USP15: variants seen among roughly 807,000 people sequenced by gnomAD.
USP15 encodes ubiquitin carboxyl-terminal hydrolase 15.
USP15 carries 18 observed loss-of-function variants against 127.1 expected under a neutral mutation model. The observed-to-expected ratio is 0.14, with a 90% CI of 0.10 to 0.21. The LOEUF (loss-of-function observed/expected upper bound fraction) is 0.21, where lower values mean the gene tolerates loss of function less well. Ranked by LOEUF, USP15 falls within the 10% of genes least tolerant of loss-of-function variation. USP15 has a pLI of 1.00. For missense variants in USP15, 805 were observed against 1,159.9 expected (o/e 0.69, Z 4.44); for synonymous variants, 364 against 393.7 (o/e 0.92, Z 0.89).
intron 7 of USP15, among the ~76,000 whole-genome samples, chr12:62,351,323 T>A (rs1398370685): frequency 6.6e-6 from 1 of 151,232 alleles, no homozygotes; most frequent in Non-Finnish European, 1.5e-5. Context: ...CCCCTCGTAA[T>A]TTGGTTTGTA....
At chr12:62,316,152 G>T (rs2064823953) in intron 4 of USP15, among the ~76,000 whole-genome samples, 2 of 151,962 alleles carry the variant, frequency 1.3e-5, no homozygotes, top group South Asian at 4.2e-4. Context: ...GGGTGTAGTG[G>T]GTGTGCGCCT....
intron 11 of USP15, among the ~76,000 whole-genome samples, chr12:62,388,116 G>GT (rs1565906819): frequency 1.6e-4 from 20 of 127,290 alleles, no homozygotes; most frequent in South Asian, 5.0e-4. Flanking sequence ...GAATGGTGAA[G>GT]ATTTTTTTTT....
intron 1 of USP15, among the ~76,000 whole-genome samples, chr12:62,288,138 T>C (rs2063835489): frequency 1.3e-5 from 2 of 152,194 alleles, no homozygotes; most frequent in Non-Finnish European, 2.9e-5. Flanking sequence ...ATGATGTTGG[T>C]ATTTTGATAG....
rs561613208 is a variant in USP15, at chr12:62,382,569, G to C, written c.1089+906G>C. ...TCAGCTCTTACTAGCATTCTAATTGGTTTTATTTTGGTAGATTTTCTCTCT... is the reference window on the plus strand; with the variant it reads ...TCAGCTCTTACTAGCATTCTAATTGCTTTTATTTTGGTAGATTTTCTCTCT... On this transcript the variant is annotated intron_variant, in intron 9 of 21. Coordinates refer to ENST00000280377, the MANE Select transcript of USP15 (RefSeq NM_001252078.2). Among the ~76,000 whole-genome samples the C allele has an allele frequency of 1.8e-4, 27 of 151,916 alleles. 1 individual carries two copies. The South Asian group carries it at 5.4e-3, about 30-fold the overall frequency.
intron 20 of USP15, among the ~76,000 whole-genome samples, chr12:62,399,160 A>G (rs1555224128): frequency 6.6e-6 from 1 of 152,218 alleles, no homozygotes. Flanking sequence ...GAGATCAACA[A>G]ACTCACAGCA....
intron 11 of USP15, 25 bp downstream of exon 11, chr12:62,384,327 GTTTTTTTT>G: frequency 9.5e-7 from 1 of 1,055,220 alleles, no homozygotes; most frequent in Non-Finnish European, 1.3e-6. Context: ...GGTTTGTTTT[GTTTTTTTT>G]TTTTTTTTTT....
intron 1 of USP15, among the ~76,000 whole-genome samples, chr12:62,266,910 G>A (rs2063205046): frequency 6.6e-6 from 1 of 151,860 alleles, no homozygotes; most frequent in African/African-American, 2.4e-5. Flanking sequence ...TTTTATCTTT[G>A]ATGATTTCAG....
At chr12:62,303,296 A>G (rs2064371579) in intron 3 of USP15, 1 of 153,640 alleles carries the variant, frequency 6.5e-6, no homozygotes, top group Non-Finnish European at 1.4e-5. Context: ...AACAATGAAG[A>G]AACTAAAAGT....
At chr12:62,352,557 A>G (rs1320276786) in intron 7 of USP15, among the ~76,000 whole-genome samples, 1 of 151,740 alleles carries the variant, frequency 6.6e-6, no homozygotes, top group Non-Finnish European at 1.5e-5. Context: ...ACACTTTTTT[A>G]TTTTTCTGTT....
At chr12:62,335,656 T>C in intron 6 of USP15, 1 of 987,336 alleles carries the variant, frequency 1.0e-6, no homozygotes, top group Non-Finnish European at 1.2e-6. Context: ...TATAAACACA[T>C]CTTCATCTTT....
chr12:62,336,526 GA>G (rs2065471016), intron 6 of USP15: 2 of 966,862 alleles, frequency 2.1e-6, no homozygotes, highest in South Asian at 9.6e-5. Context: ...AAGATCCAAA[GA>G]ACTTCTGTTA....
chr12:62,284,333 A>G (rs142642897), intron 1 of USP15, among the ~76,000 whole-genome samples: 1 of 152,226 alleles, frequency 6.6e-6, no homozygotes, highest in Admixed American at 6.5e-5. Context: ...GGATTTTCTT[A>G]AGACTTAGTC....
intron 4 of USP15, among the ~76,000 whole-genome samples, chr12:62,318,150 G>A (rs577134935): frequency 9.9e-5 from 15 of 152,258 alleles, no homozygotes; most frequent in African/African-American, 3.4e-4. Context: ...TCAACCATCA[G>A]CCAAGCTCAG....
chr12:62,403,973 A>C (rs1281753147), intron 21 of USP15, among the ~76,000 whole-genome samples: 2 of 152,080 alleles, frequency 1.3e-5, no homozygotes, highest in East Asian at 1.9e-4. Context: ...TCTTTGTCCA[A>C]ATAATTTAGA....
intron 6 of USP15, among the ~76,000 whole-genome samples, chr12:62,330,252 G>A (rs2065250046): frequency 6.6e-6 from 1 of 151,660 alleles, no homozygotes; most frequent in African/African-American, 2.4e-5. Context: ...ATGAAGCAAG[G>A]ATGATACAGA....
chr12:62,308,610 A>ACT (rs1230244051), intron 3 of USP15, among the ~76,000 whole-genome samples: 1 of 152,102 alleles, frequency 6.6e-6, no homozygotes, highest in Non-Finnish European at 1.5e-5. Context: ...CAGCTACATG[A>ACT]GTGAGCTTGT....
Position 62,412,584 on chromosome 12 carries a change from A to AT in USP15, c.*8210dup, listed in dbSNP as rs1338239344. 6.2e-6 allele frequency: 1 copy of AT among 161,264 alleles called. No individual in the cohort carries two copies. Among genetic ancestry groups the AT allele is most frequent in the Non-Finnish European group, 1.3e-5 (1 of 75,138 alleles). The allele number at this position is 161,264 out of a possible 1,614,324, so 10.0% of individuals were successfully genotyped here. On this transcript the variant is annotated 3_prime_UTR_variant, in exon 22 of 22. Transcript: ENST00000280377. ...TTGTCTTTTCAACAATGTTCACAGC[A>AT]TCTTCACCAGGAGAAGACTTTCCCC...
At chr12:62,304,132 T>G (rs2064406416) in intron 3 of USP15, among the ~76,000 whole-genome samples, 1 of 152,164 alleles carries the variant, frequency 6.6e-6, no homozygotes, top group African/African-American at 2.4e-5. Context: ...CTAGCGGTCT[T>G]CAGTATGATA....
chr12:62,407,553 C>A lies in USP15; in HGVS notation c.*3178C>A, dbSNP rs528082278. Reference sequence around the variant, plus strand: ...AGTACCCACTGGAATATTGACTAACCCATTCCCTTTTAAAAATTAATTTCA... The same window carrying A: ...AGTACCCACTGGAATATTGACTAACACATTCCCTTTTAAAAATTAATTTCA... On this transcript the variant is annotated 3_prime_UTR_variant, in exon 22 of 22. Coordinates refer to ENST00000280377, the MANE Select transcript of USP15 (RefSeq NM_001252078.2). The A allele has an allele frequency of 6.6e-6, 1 of 152,234 alleles. No individual in the cohort carries two copies. 9.4% of individuals were successfully genotyped at this position (152,234 alleles called of 1,614,324 possible).
Sources: allele counts gnomAD v4.1 joint callset (sites outside exome capture counted in the v4.1 genomes callset), GRCh38; gene constraint gnomAD v4.1.1; transcripts MANE v1.5; gene names NCBI Gene and HGNC (gene_info 2026-07-23, HGNC 2026-07-21).